Variants in STAM observed in about 807,000 individuals in gnomAD.
STAM encodes signal transducing adapter molecule 1.
A neutral mutation model predicts 63.4 loss-of-function variants in STAM; 16 were observed. The ratio of observed to expected loss-of-function variants is 0.25; its 90% CI spans 0.17 to 0.38. The LOEUF is 0.38. Ranked by LOEUF, STAM falls within the 10% of genes least tolerant of loss-of-function variation. STAM has a pLI of 1.00. For synonymous variants in STAM, 238 were observed against 223.9 expected (o/e 1.06, Z -0.56); for missense variants, 636 against 657.1 (o/e 0.97, Z 0.35).
At chr10:17,702,027 G>A (rs1025204224) in intron 9 of STAM, among the ~76,000 whole-genome samples, 9 of 152,124 alleles carry the variant, frequency 5.9e-5, no homozygotes, top group East Asian at 1.9e-4. Flanking sequence ...AGAAGATACC[G>A]AAAGAACTTA....
At chr10:17,644,458 C>T in intron 1 of STAM, 79 bp downstream of exon 1, 1 of 1,567,318 alleles carries the variant, frequency 6.4e-7, no homozygotes, top group African/African-American at 1.4e-5. Context: ...GCATTCAGGA[C>T]CCTCGGGCCA....
At chr10:17,676,733 A>T (rs1344069596) in intron 2 of STAM, among the ~76,000 whole-genome samples, 1 of 152,204 alleles carries the variant, frequency 6.6e-6, no homozygotes, top group African/African-American at 2.4e-5. Flanking sequence ...GCCATAGAGA[A>T]TGAATTATAT....
chr10:17,697,170 C>T (rs1835797679), intron 8 of STAM, among the ~76,000 whole-genome samples: 1 of 152,292 alleles, frequency 6.6e-6, no homozygotes, highest in East Asian at 1.9e-4. Flanking sequence ...CTCAGGTGAT[C>T]CACCCGCCTC....
intron 13 of STAM, among the ~76,000 whole-genome samples, chr10:17,710,638 T>A (rs1270582774): frequency 6.6e-6 from 1 of 152,236 alleles, no homozygotes; most frequent in African/African-American, 2.4e-5. Flanking sequence ...TTCCGTTTCC[T>A]GGCTGGTAGT....
intron 2 of STAM, among the ~76,000 whole-genome samples, chr10:17,670,512 C>G (rs569486351): frequency 5.5e-4 from 84 of 152,146 alleles, no homozygotes; most frequent in Non-Finnish European, 9.7e-4. Flanking sequence ...ACATACCAAT[C>G]TTACATTAAA....
At chr10:17,691,716 C>A (rs1218105888) in intron 5 of STAM, among the ~76,000 whole-genome samples, 1 of 152,150 alleles carries the variant, frequency 6.6e-6, no homozygotes, top group Non-Finnish European at 1.5e-5. Flanking sequence ...GACATGTAAT[C>A]AGACAATTAT....
chr10:17,666,037 A>G (rs1211704148), intron 2 of STAM, among the ~76,000 whole-genome samples: 2 of 152,172 alleles, frequency 1.3e-5, no homozygotes, highest in African/African-American at 4.8e-5. Context: ...TTTCTATGTT[A>G]GTGTTGATTG....
chr10:17,707,458 T>C (rs1554829433), intron 12 of STAM, among the ~76,000 whole-genome samples: 1 of 152,002 alleles, frequency 6.6e-6, no homozygotes, highest in East Asian at 1.9e-4. Flanking sequence ...ACTAGCCAGA[T>C]ACTCCATTTT....
intron 2 of STAM, among the ~76,000 whole-genome samples, 166 bp downstream of exon 2, chr10:17,660,714 G>C (rs902775650): frequency 6.6e-6 from 1 of 152,116 alleles, no homozygotes; most frequent in East Asian, 1.9e-4. Context: ...TTACACCCAT[G>C]AACAGCCAAT....
At position 17,684,730 on chromosome 10, in the gene STAM, G is replaced by A. The variant is rs145776213; in HGVS notation, c.181G>A (p.Val61Ile). 480 of 1,613,924 alleles carry A rather than the reference G, an allele frequency of 3.0e-4. 1 individual carries two copies. The African/African-American group carries it at 5.5e-3, about 18-fold the overall frequency. The stretch of plus-strand genomic sequence containing the variant: ...AAGAGTGAACCACAAAGATCCTCAC[G>A]TTGCTATGCAGGCTTTGACTGTGAG... ...MRRVNHKDPH[V>I]AMQALTLLGA... The change falls in exon 3 of 14, where the codon GTT (valine) becomes ATT (isoleucine). Residue 61 changes from valine (V) to isoleucine (I), a missense_variant. Physicochemically the swap from Val to Ile is conservative, Grantham distance 29. Transcript: ENST00000377524.
Position 17,710,921 on chromosome 10 carries a change from T to C in STAM, c.1385+1970T>C, listed in dbSNP as rs184476853. Reference sequence around the variant, plus strand: ...ATAAAGGTACAATATGTAATATCTGTTTATCAATATATAAAAACAGATGTG... The same window carrying C: ...ATAAAGGTACAATATGTAATATCTGCTTATCAATATATAAAAACAGATGTG... On this transcript the variant is annotated intron_variant, in intron 13 of 13. Transcript: ENST00000377524. Among the ~76,000 whole-genome samples, 466 of 152,300 alleles carry C rather than the reference T, an allele frequency of 3.1e-3. 1 individual carries two copies. The highest frequency in any genetic ancestry group is 6.8e-3 in the Middle Eastern group (2 of 294).
intron 13 of STAM, among the ~76,000 whole-genome samples, chr10:17,709,977 T>TTTTTTTTTTTTTTTTTTTTTTTTTG (rs1554829903): frequency 3.3e-5 from 5 of 150,348 alleles, no homozygotes; most frequent in Non-Finnish European, 7.4e-5. Flanking sequence ...GATTTTTTTT[T>TTTTTTTTTTTTTTTTTTTTTTTTTG]AAGTTGAAAT....
At chr10:17,684,266 G>A (rs1319536934) in intron 2 of STAM, among the ~76,000 whole-genome samples, 1 of 152,094 alleles carries the variant, frequency 6.6e-6, no homozygotes, top group African/African-American at 2.4e-5. Context: ...TTATCATTCA[G>A]TACTGCCTGT....
chr10:17,705,137 C>G, intron 11 of STAM, 113 bp downstream of exon 11: 1 of 803,760 alleles, frequency 1.2e-6, no homozygotes, highest in Non-Finnish European at 2.0e-6. Context: ...GAGGAACCAA[C>G]TCTCATTCAC....
Position 17,706,127 on chromosome 10 carries a change from T to G in STAM, c.1209+386T>G, listed in dbSNP as rs17141524. The stretch of plus-strand genomic sequence containing the variant: ...ATTTGAGATTATTTGGAATAGCTGT[T>G]TGAAACTTTCTAAAACTAATGTTTA... On this transcript the variant is annotated intron_variant, in intron 12 of 13. Transcript: ENST00000377524. Among the ~76,000 whole-genome samples the G allele has an allele frequency of 5.5e-3, 844 of 152,248 alleles. 29 individuals carry two copies. Among genetic ancestry groups the G allele is most frequent in the East Asian group, 0.055 (285 of 5,188 alleles).
At chr10:17,658,372 T>C (rs746564226) in intron 1 of STAM, among the ~76,000 whole-genome samples, 6 of 152,210 alleles carry the variant, frequency 3.9e-5, no homozygotes, top group Non-Finnish European at 5.9e-5. Flanking sequence ...TCTTGGTGAA[T>C]GCTGCATGAG....
intron 2 of STAM, among the ~76,000 whole-genome samples, chr10:17,679,364 C>G (rs1392241495): frequency 6.6e-6 from 1 of 152,074 alleles, no homozygotes; most frequent in East Asian, 1.9e-4. Flanking sequence ...GTGTATCTTA[C>G]TTGGAGAAAT....
At chr10:17,699,778 T>C (rs573447235) in intron 8 of STAM, among the ~76,000 whole-genome samples, 3 of 152,308 alleles carry the variant, frequency 2.0e-5, no homozygotes, top group South Asian at 4.1e-4. Flanking sequence ...ATTTTTTTTT[T>C]CTACCAAATG....
In STAM at chr10:17,716,775, C is replaced by T. The variant is rs1170926203; in HGVS notation, c.*1995C>T. ...TACAACCCATATACATTTTTCTTTA[C>T]CTTTTACATTACTAGCCTTATAAAG... On this transcript the variant is annotated 3_prime_UTR_variant, in exon 14 of 14. Coordinates refer to ENST00000377524, the MANE Select transcript of STAM (RefSeq NM_003473.4). Among the ~76,000 whole-genome samples the T allele has an allele frequency of 1.3e-5, 2 of 152,136 alleles. No homozygotes were observed. The highest frequency in any genetic ancestry group is 4.8e-5 in the African/African-American group (2 of 41,430).
Sources: gnomAD v4.1 joint callset for allele counts (sites outside exome capture counted in the v4.1 genomes callset) on GRCh38, gnomAD v4.1.1 for gene constraint, MANE v1.5 for transcripts, NCBI Gene and HGNC (gene_info 2026-07-23, HGNC 2026-07-21) for gene names.